Variants in COBL observed in about 807,000 individuals in gnomAD.
COBL encodes cordon-bleu WH2 repeat protein.
In COBL, 51 loss-of-function variants were observed where a neutral mutation model predicts 98.8. That is an observed-to-expected ratio of 0.52 (90% confidence interval 0.41 to 0.65). The LOEUF is 0.65. COBL is among the 30% of genes least tolerant of loss of function. COBL has a pLI of 0.00. For synonymous variants in COBL, 634 were observed against 651.7 expected, an observed-to-expected ratio of 0.97 and a Z score of 0.41; for missense variants, 1,617 against 1,617.5, an observed-to-expected ratio of 1.00 and a Z score of 0.01.
At chr7:51,084,415 T>C (rs988096715) in intron 7 of COBL, among the ~76,000 whole-genome samples, 3 of 152,246 alleles carry the variant, frequency 2.0e-5, no homozygotes, top group African/African-American at 7.2e-5. Flanking sequence ...GTGTGACTCC[T>C]AGGCTGCCAT....
In COBL at chr7:51,042,226, A is replaced by T. The variant is rs549364381; in HGVS notation, c.1406+1157T>A. 6.6e-5 allele frequency among the ~76,000 whole-genome samples: 10 copies of T among 152,378 alleles called. 1 individual carries two copies. Among genetic ancestry groups the T allele is most frequent in the Admixed American group, 2.6e-4 (4 of 15,312 alleles). ...AAAGGAAAAATTAAATAATATTAGAATGTAAAGACAATCATTGTACAAGAA... is the reference window on the plus strand; with the variant it reads ...AAAGGAAAAATTAAATAATATTAGATTGTAAAGACAATCATTGTACAAGAA... On this transcript the variant is annotated intron_variant, in intron 8 of 12. Coordinates refer to ENST00000265136, the MANE Select transcript of COBL (RefSeq NM_015198.5).
intron 1 of COBL, among the ~76,000 whole-genome samples, chr7:51,253,255 C>A (rs1230058227): frequency 2.0e-5 from 3 of 152,078 alleles, no homozygotes; most frequent in Non-Finnish European, 4.4e-5. Context: ...TGCATTATTT[C>A]TTCTGAATTT....
intron 4 of COBL, among the ~76,000 whole-genome samples, 175 bp from the exon 5 acceptor site, chr7:51,184,374 T>C (rs6952129): frequency 0.095 from 14,496 of 152,252 alleles, 888 homozygotes; most frequent in African/African-American, 0.17. Context: ...AGTCCTCAGG[T>C]CCATTTGGGA....
intron 1 of COBL, among the ~76,000 whole-genome samples, chr7:51,265,454 C>T (rs377321411): frequency 6.6e-6 from 1 of 152,214 alleles, no homozygotes; most frequent in South Asian, 2.1e-4. Flanking sequence ...GGACAGGCTG[C>T]ACCTCTGCTC....
At chr7:51,218,976 C>G (rs543708774) in intron 2 of COBL, among the ~76,000 whole-genome samples, 1 of 152,066 alleles carries the variant, frequency 6.6e-6, no homozygotes, top group South Asian at 2.1e-4. Context: ...TGGGTTATCA[C>G]TAAAAGTATC....
intron 5 of COBL, among the ~76,000 whole-genome samples, chr7:51,154,305 A>G (rs909390904): frequency 6.6e-6 from 1 of 152,212 alleles, no homozygotes; most frequent in Non-Finnish European, 1.5e-5. Flanking sequence ...AAGAACAGGC[A>G]CAGACCAATG....
chr7:51,029,440 C>A lies in COBL; in HGVS notation c.1656G>T (p.Val552=). ...TFIGEVSDDP[V]DSGLFSNRNN... is the part of the protein sequence containing the mutation. The stretch of plus-strand genomic sequence containing the variant: ...TTCTATTGGAAAACAACCCCGAATC[C>A]ACAGGATCATCTGAAACTTCCCCTA... The change falls in exon 10 of 13, where the codon GTG becomes GTT. Residue 552 remains valine (V), a synonymous_variant. Coordinates refer to ENST00000265136, the MANE Select transcript of COBL (RefSeq NM_015198.5). 6.2e-7 allele frequency: 1 copy of A among 1,614,132 alleles called. No individual in the cohort carries two copies. The highest frequency in any genetic ancestry group is 8.5e-7 in the Non-Finnish European group (1 of 1,180,030).
intron 6 of COBL, among the ~76,000 whole-genome samples, chr7:51,095,801 T>C (rs1795220544): frequency 1.3e-5 from 2 of 152,166 alleles, no homozygotes; most frequent in Non-Finnish European, 2.9e-5. Flanking sequence ...AGAAGGACCT[T>C]ATATAATGAT....
chr7:51,090,580 C>T (rs1295437187), intron 6 of COBL, among the ~76,000 whole-genome samples: 1 of 152,186 alleles, frequency 6.6e-6, no homozygotes, highest in African/African-American at 2.4e-5. Flanking sequence ...ACTTTGAATG[C>T]CTGGGAGCTA....
chr7:51,232,312 T>TCAAC (rs1794825395), intron 1 of COBL, among the ~76,000 whole-genome samples: 1 of 147,534 alleles, frequency 6.8e-6, no homozygotes, highest in Admixed American at 6.8e-5. Flanking sequence ...CACCATACAA[T>TCAAC]ATCAGTCTCT....
chr7:51,292,771 C>T (rs1291182884), intron 1 of COBL, among the ~76,000 whole-genome samples: 1 of 152,220 alleles, frequency 6.6e-6, no homozygotes, highest in African/African-American at 2.4e-5. Flanking sequence ...CCGTGGCTTG[C>T]CCAAGCCCAA....
intron 5 of COBL, among the ~76,000 whole-genome samples, chr7:51,153,097 T>C (rs1276265512): frequency 1.3e-5 from 2 of 152,250 alleles, no homozygotes; most frequent in Non-Finnish European, 2.9e-5. Context: ...AATTTTGTCC[T>C]CTTCTGTGGG....
intron 3 of COBL, among the ~76,000 whole-genome samples, chr7:51,192,757 T>C (rs999412917): frequency 6.6e-6 from 1 of 152,274 alleles, no homozygotes; most frequent in Middle Eastern, 3.4e-3. Context: ...TTCAAAAAAG[T>C]TTTTTTCCCT....
intron 2 of COBL, among the ~76,000 whole-genome samples, chr7:51,210,417 C>T (rs1380826732): frequency 6.6e-6 from 1 of 152,226 alleles, no homozygotes; most frequent in Non-Finnish European, 1.5e-5. Context: ...AAACCTCAGA[C>T]ACCATCCCTT....
chr7:51,238,559 C>T (rs1795485525), intron 1 of COBL, among the ~76,000 whole-genome samples: 1 of 152,194 alleles, frequency 6.6e-6, no homozygotes, highest in South Asian at 2.1e-4. Context: ...ACCAGAGCAA[C>T]TCCATCTTGA....
intron 8 of COBL, among the ~76,000 whole-genome samples, chr7:51,041,023 A>T (rs1476862338): frequency 6.6e-6 from 1 of 152,238 alleles, no homozygotes; most frequent in Non-Finnish European, 1.5e-5. Flanking sequence ...ACAGACGTGG[A>T]GATTACAGTA....
In COBL at chr7:51,233,224, C is replaced by A. The variant is rs544008785; in HGVS notation, c.42-13280G>T. 1.6e-4 allele frequency among the ~76,000 whole-genome samples: 24 copies of A among 152,332 alleles called. No homozygotes were observed. The East Asian group carries it at 4.6e-3, about 29-fold the overall frequency. ...TTCCATGAGCATCTGCAGAGACAGG[C>A]TGGCCAAATCAGTGCTGCCTTCAGC... On this transcript the variant is annotated intron_variant, in intron 1 of 12. Transcript: ENST00000265136.
intron 5 of COBL, among the ~76,000 whole-genome samples, chr7:51,161,829 C>T (rs896567569): frequency 2.7e-5 from 4 of 150,660 alleles, no homozygotes; most frequent in African/African-American, 9.9e-5. Context: ...AAAGTTCATT[C>T]TTCAGAGAAA....
intron 7 of COBL, chr7:51,072,015 T>C (rs1175040175): frequency 1.3e-5 from 2 of 152,212 alleles, no homozygotes; most frequent in East Asian, 1.9e-4. Context: ...TGGTTATATA[T>C]AGCTTTGGCT....
Sources: allele counts gnomAD v4.1 joint callset (sites outside exome capture counted in the v4.1 genomes callset), GRCh38; gene constraint gnomAD v4.1.1; transcripts MANE v1.5; gene names NCBI Gene and HGNC (gene_info 2026-07-23, HGNC 2026-07-21).